The following PRKAA1 variants were observed in gnomAD, a reference collection of about 807,000 sequenced individuals.
PRKAA1 encodes protein kinase AMP-activated catalytic subunit alpha 1, also known as 5'-AMP-activated protein kinase catalytic subunit alpha-1.
A neutral mutation model predicts 56.9 loss-of-function variants in PRKAA1; 23 were observed. That is an observed-to-expected ratio of 0.40 (90% CI 0.29 to 0.57). The LOEUF is 0.57. PRKAA1 is among the 20% of genes least tolerant of loss of function. PRKAA1 has a pLI of 0.39. For missense variants in PRKAA1, 413 were observed against 679.7 expected (o/e 0.61, Z 4.36); for synonymous variants, 226 against 227.0 (o/e 1.00, Z 0.04).
At position 40,768,384 on chromosome 5, in the gene PRKAA1, GCA is replaced by G. The variant is rs549892919; in HGVS notation, c.597-696_597-695del. On this transcript the variant is annotated intron_variant, in intron 5 of 8. Transcript: ENST00000397128. ...TTCAGTAATAGCCCATTGCATATATGCACAGTTATAACATTTCTTTTTATTTA... is the reference window on the plus strand; with the variant it reads ...TTCAGTAATAGCCCATTGCATATATGCAGTTATAACATTTCTTTTTATTTA... 5,093 of 896,792 alleles carry G rather than the reference GCA, an allele frequency of 5.7e-3. 15 individuals carry two copies. The highest frequency in any genetic ancestry group is 6.5e-3 in the Non-Finnish European group (4,869 of 749,300). The allele number at this position is 896,792 out of a possible 1,614,324, so 55.6% of individuals were successfully genotyped here. A position where few individuals can be genotyped will look rare whatever the true frequency, so the allele number is the denominator to read the frequency against.
intron 5 of PRKAA1, 61 bp downstream of exon 5, chr5:40,769,355 A>G: frequency 2.2e-6 from 3 of 1,350,236 alleles, no homozygotes; most frequent in Non-Finnish European, 3.1e-6. Flanking sequence ...ATAGACTAAC[A>G]AAATCTAGGA....
intron 1 of PRKAA1, among the ~76,000 whole-genome samples, chr5:40,783,870 G>A (rs938793310): frequency 6.6e-6 from 1 of 152,178 alleles, no homozygotes; most frequent in African/African-American, 2.4e-5. Flanking sequence ...AATTGCACAT[G>A]TGAAAGCAGT....
Position 40,762,646 on chromosome 5 carries a change from C to T in PRKAA1, c.*132G>A. 1 of 1,114,664 alleles carries T rather than the reference C, an allele frequency of 9.0e-7. No individual in the cohort carries two copies. The highest frequency in any genetic ancestry group is 1.3e-6 in the Non-Finnish European group (1 of 792,388). 69.0% of individuals were successfully genotyped at this position (1,114,664 alleles called of 1,614,324 possible). ...TTTAACTATAAATCATGTTCCAATC[C>T]CTGTGCAAATTGCATTCCAAAACGC... On this transcript the variant is annotated 3_prime_UTR_variant, in exon 9 of 9. Coordinates refer to ENST00000397128, the MANE Select transcript of PRKAA1 (RefSeq NM_006251.6).
At chr5:40,784,202 G>C (rs1329787615) in intron 1 of PRKAA1, among the ~76,000 whole-genome samples, 1 of 152,146 alleles carries the variant, frequency 6.6e-6, no homozygotes, top group Non-Finnish European at 1.5e-5. Context: ...TGAATTATTT[G>C]TTTTAATCTC....
intron 5 of PRKAA1, 39 bp downstream of exon 5, chr5:40,769,377 T>C (rs1311821729): frequency 1.9e-5 from 28 of 1,466,162 alleles, no homozygotes; most frequent in Non-Finnish European, 2.6e-5. Context: ...AAAAAGACAA[T>C]TTCAAATGTA....
In PRKAA1 at chr5:40,761,412, A is replaced by G. The variant is rs1017949809; in HGVS notation, c.*1366T>C. ...TGTAACATCCAAATGGTTCAGGGGG[A>G]AAAAAGCATATATACATACACAAAC... On this transcript the variant is annotated 3_prime_UTR_variant, in exon 9 of 9. Transcript: ENST00000397128. 2.6e-5 allele frequency: 4 copies of G among 152,142 alleles called. No homozygotes were observed. The highest frequency in any genetic ancestry group is 9.7e-5 in the African/African-American group (4 of 41,442). 9.4% of individuals were successfully genotyped at this position (152,142 alleles called of 1,614,324 possible). A position where few individuals can be genotyped will look rare whatever the true frequency, so the allele number is the denominator to read the frequency against.
In PRKAA1 at chr5:40,762,804, T is replaced by G; in HGVS notation, c.1654A>C (p.Asn552His). The change falls in exon 9 of 9, where the codon AAT becomes CAT. Residue 552 changes from asparagine (N) to histidine (H), a missense_variant. By Grantham distance (68) the Asn-to-His change is moderately conservative. Transcript: ENST00000397128. ...HTIEFFEMCA[N>H]LIKILAQ ...TATTGTGCAAGAATTTTAATTAGAT[T>G]TGCACACATCTCAAAAAATTCTATT... The G allele has an allele frequency of 1.2e-6, 2 of 1,614,148 alleles. No homozygotes were observed. Among genetic ancestry groups the G allele is most frequent in the Non-Finnish European group, 1.7e-6 (2 of 1,179,988 alleles).
At position 40,764,635 on chromosome 5, in the gene PRKAA1, T is replaced by G. The variant is rs1351927810; in HGVS notation, c.1314A>C (p.Val438=). 1.2e-6 allele frequency: 2 copies of G among 1,613,712 alleles called. No homozygotes were observed. Among genetic ancestry groups the G allele is most frequent in the Non-Finnish European group, 1.7e-6 (2 of 1,179,870 alleles). The change falls in exon 8 of 9, where the codon GTA becomes GTC. Residue 438 remains valine, a synonymous_variant. Coordinates refer to ENST00000397128, the MANE Select transcript of PRKAA1 (RefSeq NM_006251.6). ...IKQLDYEWKV[V]NPYYLRVRRK... ...TTCGTACACGCAAATAATATGGGTTTACAACCTAGCACATGGTATAACAAA... is the reference window on the plus strand; with the variant it reads ...TTCGTACACGCAAATAATATGGGTTGACAACCTAGCACATGGTATAACAAA...
Position 40,761,090 on chromosome 5 carries a change from C to A in PRKAA1, c.*1688G>T, listed in dbSNP as rs1743165357. ...AGTATCTTTAAAAAGTAATTTAAGC[C>A]CAAAACAAATGTGACCACTTATTAA... On this transcript the variant is annotated 3_prime_UTR_variant, in exon 9 of 9. Coordinates refer to ENST00000397128, the MANE Select transcript of PRKAA1 (RefSeq NM_006251.6). The A allele has an allele frequency of 6.6e-6, 1 of 151,788 alleles. No individual in the cohort carries two copies. Among genetic ancestry groups the A allele is most frequent in the African/African-American group, 2.4e-5 (1 of 41,314 alleles). 9.4% of individuals were successfully genotyped at this position (151,788 alleles called of 1,614,324 possible).
At position 40,771,699 on chromosome 5, in the gene PRKAA1, A is replaced by G. The variant is rs756289140; in HGVS notation, c.508+20T>C. On this transcript the variant is annotated intron_variant, in intron 4 of 8. Transcript: ENST00000397128. ...AGAACATTAGAAATGAACGTTAAGA[A>G]ACTATAAAATTATCCTTACCAAAAT... 27 of 1,586,914 alleles carry G rather than the reference A, an allele frequency of 1.7e-5. No individual in the cohort carries two copies. The highest frequency in any genetic ancestry group is 1.8e-5 in the Non-Finnish European group (21 of 1,172,282).
At position 40,761,373 on chromosome 5, in the gene PRKAA1, G is replaced by A. The variant is rs573055558; in HGVS notation, c.*1405C>T. On this transcript the variant is annotated 3_prime_UTR_variant, in exon 9 of 9. Transcript: ENST00000397128. Reference sequence around the variant, plus strand: ...AGGAGATACTTGAAGTATTTTCACGGTGATAAGTATGTCTGTAACATCCAA... The same window carrying A: ...AGGAGATACTTGAAGTATTTTCACGATGATAAGTATGTCTGTAACATCCAA... The A allele has an allele frequency of 6.6e-6, 1 of 152,214 alleles. No individual in the cohort carries two copies. Among genetic ancestry groups the A allele is most frequent in the South Asian group, 2.1e-4 (1 of 4,822 alleles). 9.4% of individuals were successfully genotyped at this position (152,214 alleles called of 1,614,324 possible).
intron 4 of PRKAA1, among the ~76,000 whole-genome samples, chr5:40,770,689 T>G (rs1743701022): frequency 6.6e-6 from 1 of 150,520 alleles, no homozygotes; most frequent in African/African-American, 2.4e-5. Flanking sequence ...CCTCCTGGGT[T>G]CCAGCAATTC....
chr5:40,764,351 A>G, intron 8 of PRKAA1, 163 bp downstream of exon 8: 1 of 643,098 alleles, frequency 1.6e-6, no homozygotes, highest in Non-Finnish European at 2.5e-6. Flanking sequence ...AAGAAAAATA[A>G]GATTCATAAA....
intron 1 of PRKAA1, among the ~76,000 whole-genome samples, chr5:40,780,571 G>C (rs1744226806): frequency 6.6e-6 from 1 of 152,096 alleles, no homozygotes; most frequent in Non-Finnish European, 1.5e-5. Context: ...GGAGACCCTG[G>C]CATGCTGGTA....
At chr5:40,767,190 A>G (rs554942391) in intron 6 of PRKAA1, among the ~76,000 whole-genome samples, 1 of 152,240 alleles carries the variant, frequency 6.6e-6, no homozygotes, top group East Asian at 1.9e-4. Context: ...TTTTTTGTTA[A>G]TTTAAAAAGT....
rs1743073689 is a variant in PRKAA1 at position 40,759,475 on chromosome 5, A to C, written c.*3303T>G. 1 of 152,358 alleles carries C rather than the reference A, an allele frequency of 6.6e-6. No individual in the cohort carries two copies. The highest frequency in any genetic ancestry group is 6.5e-5 in the Admixed American group (1 of 15,286). The allele number at this position is 152,358 out of a possible 1,614,324, so 9.4% of individuals were successfully genotyped here. A position where few individuals can be genotyped will look rare whatever the true frequency, so the allele number is the denominator to read the frequency against. On this transcript the variant is annotated 3_prime_UTR_variant, in exon 9 of 9. Coordinates refer to ENST00000397128, the MANE Select transcript of PRKAA1 (RefSeq NM_006251.6). ...TAAATATACTCTGGTCAAAATATAC[A>C]TGAACCACAAATATTAACTTCTACC... is the stretch of plus-strand genomic sequence containing the variant.
At chr5:40,772,989 A>G (rs534209988) in intron 3 of PRKAA1, among the ~76,000 whole-genome samples, 3 of 152,218 alleles carry the variant, frequency 2.0e-5, no homozygotes, top group Middle Eastern at 3.4e-3. Flanking sequence ...ACTTTTTTCA[A>G]CATAAGTGAC....
chr5:40,787,779 G>A (rs1744558392), intron 1 of PRKAA1, among the ~76,000 whole-genome samples: 1 of 151,222 alleles, frequency 6.6e-6, no homozygotes, highest in African/African-American at 2.4e-5. Flanking sequence ...TAGAGAAAGG[G>A]ACAAAGGTTC....
At chr5:40,770,333 G>A (rs1057243680) in intron 4 of PRKAA1, among the ~76,000 whole-genome samples, 1 of 152,058 alleles carries the variant, frequency 6.6e-6, no homozygotes, top group Non-Finnish European at 1.5e-5. Flanking sequence ...GCATGTGGTG[G>A]CCCACATCTG....
Sources: gnomAD v4.1 joint callset for allele counts (sites outside exome capture counted in the v4.1 genomes callset) on GRCh38, gnomAD v4.1.1 for gene constraint, MANE v1.5 for transcripts, NCBI Gene and HGNC (gene_info 2026-07-23, HGNC 2026-07-21) for gene names.